The following ROBO2 variants were observed in gnomAD, a reference collection of about 807,000 sequenced individuals.
ROBO2 encodes the protein roundabout guidance receptor 2.
In ROBO2, 53 loss-of-function variants were observed where a neutral mutation model predicts 160.8. The ratio of observed to expected loss-of-function variants is 0.33; its 90% CI spans 0.26 to 0.41. The LOEUF is 0.41. Among genes scored for constraint, ROBO2 ranks in the 10% least tolerant of loss-of-function variants. The pLI, the probability that ROBO2 is intolerant of heterozygous loss-of-function variation, is 1.00. For missense variants in ROBO2, 1,577 were observed against 1,722.4 expected, an observed-to-expected ratio of 0.92 and a Z score of 1.49; for synonymous variants, 664 against 611.7, an observed-to-expected ratio of 1.09 and a Z score of -1.26.
rs375999181 is a variant in ROBO2, at chr3:76,186,364, G to A, written c.109+248762G>A. On this transcript the variant is annotated intron_variant, in intron 2 of 26. Coordinates refer to the ROBO2 transcript ENST00000487694. Reference sequence around the variant, plus strand: ...ATCTCCTTCCCCCATACCCTCTCTCGTTTCAATTCCATAATGTACTTGCCC... The same window carrying A: ...ATCTCCTTCCCCCATACCCTCTCTCATTTCAATTCCATAATGTACTTGCCC... 7.2e-5 allele frequency among the ~76,000 whole-genome samples: 11 copies of A among 152,080 alleles called. No homozygotes were observed. In the South Asian group the frequency reaches 1.2e-3, roughly 17 times the overall value.
At chr3:77,426,130 C>G (rs1036528915) in intron 2 of ROBO2, among the ~76,000 whole-genome samples, 2 of 152,024 alleles carry the variant, frequency 1.3e-5, no homozygotes, top group Non-Finnish European at 2.9e-5. Flanking sequence ...GTTCAGCTGT[C>G]CAGACAAGAA....
chr3:76,426,451 C>T (rs2076223556), intron 2 of ROBO2, among the ~76,000 whole-genome samples: 2 of 152,016 alleles, frequency 1.3e-5, no homozygotes, highest in Non-Finnish European at 2.9e-5. Flanking sequence ...CAGACATCTG[C>T]GTCCTACAGA....
intron 2 of ROBO2, among the ~76,000 whole-genome samples, chr3:76,458,817 T>A (rs970528583): frequency 6.6e-6 from 1 of 152,040 alleles, no homozygotes; most frequent in African/African-American, 2.4e-5. Context: ...ACCCATCAGA[T>A]CTCATGAGAC....
intron 2 of ROBO2, among the ~76,000 whole-genome samples, chr3:77,221,191 G>A (rs186142274): frequency 2.0e-5 from 3 of 152,238 alleles, no homozygotes; most frequent in Admixed American, 2.0e-4. Context: ...TCTTGACTGG[G>A]CACCCTCTGC....
At chr3:76,367,231 C>T (rs1330996414) in intron 2 of ROBO2, among the ~76,000 whole-genome samples, 3 of 152,012 alleles carry the variant, frequency 2.0e-5, no homozygotes, top group Non-Finnish European at 4.4e-5. Context: ...ACATTCTGAA[C>T]AATTGTAGAA....
At chr3:76,139,125 CCTG>C (rs1482778077) in intron 2 of ROBO2, among the ~76,000 whole-genome samples, 4 of 151,962 alleles carry the variant, frequency 2.6e-5, no homozygotes, top group African/African-American at 9.7e-5. Context: ...GATAACAAAC[CCTG>C]CTGTTAGAGC....
In ROBO2 at chr3:77,322,918, A is replaced by ATATATTATGGATAATATAATATATTACAT. The variant is rs2064921952; in HGVS notation, c.389-154470_389-154469insCATTATATTATGGATAATATAATATATTA. Among the ~76,000 whole-genome samples the ATATATTATGGATAATATAATATATTACAT allele has an allele frequency of 6.6e-3, 31 of 4,680 alleles. 12 individuals carry two copies. The highest frequency in any genetic ancestry group is 0.021 in the Non-Finnish European group (29 of 1,378). The allele number at this position is 4,680 out of a possible 152,430, so 3.1% of individuals were successfully genotyped here. On this transcript the variant is annotated intron_variant, in intron 2 of 25. Transcript: ENST00000461745. Reference sequence around the variant, plus strand: ...CATATATTATGTATTATAATATATTATATATTATGGATAATATAATATATT... The same window carrying ATATATTATGGATAATATAATATATTACAT: ...CATATATTATGTATTATAATATATTATATATTATGGATAATATAATATATTACATTATATTATGGATAATATAATATATT...
chr3:76,998,488 A>C (rs1246746690), intron 2 of ROBO2, among the ~76,000 whole-genome samples: 1 of 152,162 alleles, frequency 6.6e-6, no homozygotes, highest in Non-Finnish European at 1.5e-5. Flanking sequence ...ACTTCCACAT[A>C]CATTTAATCC....
chr3:75,978,296 G>T (rs2107423561), intron 2 of ROBO2, among the ~76,000 whole-genome samples: 1 of 151,496 alleles, frequency 6.6e-6, no homozygotes, highest in African/African-American at 2.4e-5. Context: ...GTTTTGTAGA[G>T]CAGTCAATAA....
chr3:76,242,373 T>C (rs1157090459), intron 2 of ROBO2, among the ~76,000 whole-genome samples: 1 of 152,106 alleles, frequency 6.6e-6, no homozygotes, highest in Non-Finnish European at 1.5e-5. Context: ...TGTACTATTA[T>C]AATATTAGAT....
chr3:77,370,970 C>T (rs777155452), intron 2 of ROBO2, among the ~76,000 whole-genome samples: 21 of 152,026 alleles, frequency 1.4e-4, no homozygotes, highest in Non-Finnish European at 2.9e-4. Flanking sequence ...TTGCAGTTGT[C>T]GTATAGTTCG....
chr3:76,308,131 C>A (rs2071407815), intron 2 of ROBO2, among the ~76,000 whole-genome samples: 1 of 152,116 alleles, frequency 6.6e-6, no homozygotes, highest in Non-Finnish European at 1.5e-5. Flanking sequence ...GTAATCCCAG[C>A]ACTTTGGGAG....
intron 2 of ROBO2, among the ~76,000 whole-genome samples, chr3:76,174,865 T>C (rs1559613472): frequency 6.6e-6 from 1 of 152,164 alleles, no homozygotes; most frequent in Non-Finnish European, 1.5e-5. Context: ...TGGTTCCATA[T>C]AAAATTTAAG....
chr3:76,324,135 C>T (rs2072813372), intron 2 of ROBO2, among the ~76,000 whole-genome samples: 1 of 152,094 alleles, frequency 6.6e-6, no homozygotes, highest in African/African-American at 2.4e-5. Flanking sequence ...TTTCTTTCCT[C>T]TCCTTATCAT....
intron 2 of ROBO2, among the ~76,000 whole-genome samples, chr3:77,358,933 C>A (rs577336071): frequency 6.6e-6 from 1 of 152,288 alleles, no homozygotes; most frequent in South Asian, 2.1e-4. Context: ...GTAGGAAAAT[C>A]TGTTGCTGAG....
At chr3:77,538,036 T>C (rs957877608) in intron 6 of ROBO2, among the ~76,000 whole-genome samples, 1 of 152,040 alleles carries the variant, frequency 6.6e-6, no homozygotes, top group Non-Finnish European at 1.5e-5. Flanking sequence ...GGATTTTTAT[T>C]ATTAGCTACA....
At chr3:75,978,253 A>G (rs1363386515) in intron 2 of ROBO2, among the ~76,000 whole-genome samples, 4 of 151,544 alleles carry the variant, frequency 2.6e-5, no homozygotes, top group African/African-American at 7.3e-5. Flanking sequence ...TCATAAGTCT[A>G]GTGAATACAC....
intron 2 of ROBO2, among the ~76,000 whole-genome samples, chr3:75,998,295 T>G (rs1454987571): frequency 6.6e-6 from 1 of 152,238 alleles, no homozygotes; most frequent in Non-Finnish European, 1.5e-5. Flanking sequence ...CCTAAAGCAA[T>G]TTTTTATTAT....
chr3:76,146,843 G>T (rs2071918967), intron 2 of ROBO2, among the ~76,000 whole-genome samples: 1 of 132,268 alleles, frequency 7.6e-6, no homozygotes. Flanking sequence ...ATGATATGAG[G>T]ATACCCACCT....
Sources: allele counts gnomAD v4.1 joint callset (sites outside exome capture counted in the v4.1 genomes callset), GRCh38; gene constraint gnomAD v4.1.1; transcripts MANE v1.5; gene names NCBI Gene and HGNC (gene_info 2026-07-23, HGNC 2026-07-21).